TTC7B: variants seen among roughly 807,000 people sequenced by gnomAD.
The protein encoded by TTC7B is tetratricopeptide repeat protein 7B.
In TTC7B, 28 loss-of-function variants were observed where a neutral mutation model predicts 106.8. The observed-to-expected ratio is 0.26, with a 90% CI of 0.19 to 0.36. The LOEUF (loss-of-function observed/expected upper bound fraction) is 0.36, where lower values mean the gene tolerates loss of function less well. TTC7B is among the 10% of genes least tolerant of loss of function. The pLI, the probability that TTC7B is intolerant of heterozygous loss-of-function variation, is 1.00. For synonymous variants in TTC7B, 405 were observed against 430.6 expected (o/e 0.94, Z 0.74); for missense variants, 862 against 1,076.4 (o/e 0.80, Z 2.79).
At chr14:90,752,609 G>C (rs1890170266) in intron 3 of TTC7B, among the ~76,000 whole-genome samples, 1 of 152,132 alleles carries the variant, frequency 6.6e-6, no homozygotes, top group Non-Finnish European at 1.5e-5. Flanking sequence ...TAATAATAAA[G>C]GTTGATTTAT....
intron 3 of TTC7B, among the ~76,000 whole-genome samples, chr14:90,760,449 T>C (rs752184882): frequency 1.3e-5 from 2 of 152,198 alleles, no homozygotes; most frequent in African/African-American, 2.4e-5. Flanking sequence ...TTTTTCGAGA[T>C]AATTAGCTCC....
chr14:90,659,258 G>C (rs1236164536), intron 9 of TTC7B, among the ~76,000 whole-genome samples: 1 of 150,938 alleles, frequency 6.6e-6, no homozygotes, highest in Non-Finnish European at 1.5e-5. Context: ...TGGAGTGTGT[G>C]TGTGTGTGTT....
chr14:90,655,146 T>A, intron 11 of TTC7B, 36 bp from the exon 12 acceptor site: 2 of 1,516,610 alleles, frequency 1.3e-6, no homozygotes, highest in African/African-American at 2.7e-5. Flanking sequence ...AACAACAACC[T>A]GCAGAATTTC....
intron 3 of TTC7B, among the ~76,000 whole-genome samples, chr14:90,779,924 T>C (rs1037248193): frequency 6.6e-6 from 1 of 152,236 alleles, no homozygotes; most frequent in African/African-American, 2.4e-5. Flanking sequence ...TAGTGATTGC[T>C]GTGTGTCAAC....
intron 9 of TTC7B, among the ~76,000 whole-genome samples, chr14:90,675,479 G>A (rs151222024): frequency 4.6e-5 from 7 of 152,214 alleles, no homozygotes; most frequent in South Asian, 2.1e-4. Flanking sequence ...ACTGAGTCCC[G>A]GGGCTGAGCC....
In TTC7B at chr14:90,537,375, G is replaced by GA. The variant is rs1555372751; in HGVS notation, c.*3992_*3993insT. On this transcript the variant is annotated 3_prime_UTR_variant, in exon 20 of 20. Coordinates refer to ENST00000328459, the MANE Select transcript of TTC7B (RefSeq NM_001010854.2). ...CTATTTTTTTTTTTTTGTAGAGATG[G>GA]GGGGGGGGTCTCACCATGTTGCCCA... The GA allele has an allele frequency of 7.4e-5, 10 of 135,280 alleles. No homozygotes were observed. The highest frequency in any genetic ancestry group is 6.8e-4 in the East Asian group (3 of 4,412). The allele number at this position is 135,280 out of a possible 1,614,324, so 8.4% of individuals were successfully genotyped here. A position where few individuals can be genotyped will look rare whatever the true frequency, so the allele number is the denominator to read the frequency against.
intron 5 of TTC7B, among the ~76,000 whole-genome samples, chr14:90,705,041 C>G (rs1314575268): frequency 6.6e-6 from 1 of 152,166 alleles, no homozygotes; most frequent in African/African-American, 2.4e-5. Context: ...CCCCTCTAAG[C>G]CATCCAGAGG....
intron 19 of TTC7B, chr14:90,569,747 C>G (rs146478436): frequency 6.6e-6 from 1 of 152,424 alleles, no homozygotes; most frequent in Non-Finnish European, 1.5e-5. Flanking sequence ...CTGGACACGC[C>G]TGCGCCTGGA....
intron 19 of TTC7B, among the ~76,000 whole-genome samples, chr14:90,576,937 T>C (rs1701037527): frequency 6.6e-6 from 1 of 152,164 alleles, no homozygotes; most frequent in African/African-American, 2.4e-5. Context: ...ATGCCTTCAT[T>C]TTGCAGAAAG....
At chr14:90,773,719 G>T (rs887428286) in intron 3 of TTC7B, among the ~76,000 whole-genome samples, 1 of 152,158 alleles carries the variant, frequency 6.6e-6, no homozygotes, top group Non-Finnish European at 1.5e-5. Context: ...TCCAGTGCCC[G>T]GCTCTGGTCC....
chr14:90,666,798 C>G (rs1410796033), intron 9 of TTC7B, among the ~76,000 whole-genome samples: 1 of 152,190 alleles, frequency 6.6e-6, no homozygotes, highest in Non-Finnish European at 1.5e-5. Flanking sequence ...CCTCTGGCCA[C>G]AGTGAGAGGA....
chr14:90,573,455 T>TCCCTCTCCGGCTCACAGG (rs1891120563), intron 19 of TTC7B, among the ~76,000 whole-genome samples: 1 of 101,556 alleles, frequency 9.8e-6, no homozygotes, highest in Non-Finnish European at 2.0e-5. Context: ...CAGCTCACGG[T>TCCCTCTCCGGCTCACAGG]CCCTCTCCGG....
intron 19 of TTC7B, among the ~76,000 whole-genome samples, chr14:90,546,231 ACACACCACCCAAGCCC>A (rs1484730399): frequency 6.6e-6 from 1 of 152,230 alleles, no homozygotes; most frequent in Non-Finnish European, 1.5e-5. Context: ...GTCAGGAGTG[ACACACCACCCAAGCCC>A]CACAGTGCTG....
chr14:90,795,226 G>C (rs1891733772), intron 1 of TTC7B, among the ~76,000 whole-genome samples: 1 of 150,832 alleles, frequency 6.6e-6, no homozygotes, highest in African/African-American at 2.4e-5. Context: ...ACAAAAACAA[G>C]ACAAAAAAAA....
chr14:90,744,864 C>G lies in TTC7B; in HGVS notation c.504G>C (p.Arg168=). 6.2e-7 allele frequency: 1 copy of G among 1,613,844 alleles called. No homozygotes were observed. Among genetic ancestry groups the G allele is most frequent in the African/African-American group, 1.3e-5 (1 of 74,996 alleles). ...CATAACAGGTGATGACATCCTGTTCCCGGTCCACATGGAGATTACTGGTAG... is the reference window on the plus strand; with the variant it reads ...CATAACAGGTGATGACATCCTGTTCGCGGTCCACATGGAGATTACTGGTAG... The part of the protein sequence containing the change: ...SSSTSNLHVD[R]EQDVITCYEK... Residue 168 remains arginine (R), a synonymous_variant, in exon 4 of 20, where the codon CGG becomes CGC. Coordinates refer to ENST00000328459, the MANE Select transcript of TTC7B (RefSeq NM_001010854.2).
intron 14 of TTC7B, among the ~76,000 whole-genome samples, chr14:90,646,522 T>C (rs933876329): frequency 2.0e-5 from 3 of 152,202 alleles, no homozygotes; most frequent in Non-Finnish European, 4.4e-5. Context: ...GCTGGCATCT[T>C]CCTGCCAATC....
chr14:90,737,546 G>GTT (rs71461922), intron 4 of TTC7B, among the ~76,000 whole-genome samples: 2,120 of 91,724 alleles, frequency 0.023, 15 homozygotes, highest in East Asian at 0.029. Context: ...GTATGATTCT[G>GTT]TTTTTTTTTT....
At chr14:90,653,325 A>T (rs1389541023) in intron 12 of TTC7B, among the ~76,000 whole-genome samples, 2 of 152,196 alleles carry the variant, frequency 1.3e-5, no homozygotes, top group Non-Finnish European at 2.9e-5. Context: ...TTGCCTTCAG[A>T]GTTCCTTCTG....
At position 90,529,780 on chromosome 14, in the gene TTC7B, T is replaced by C. The variant is rs1216482460; in HGVS notation, c.*11588A>G. On this transcript the variant is annotated 3_prime_UTR_variant, in exon 20 of 20. Transcript: ENST00000328459. ...TGTGAGCTGGCATTACCCATTCCAT[T>C]GTATGTGGCATGACAATGTGAAACC... 3 of 152,216 alleles carry C rather than the reference T, an allele frequency of 2.0e-5. No individual in the cohort carries two copies. Among genetic ancestry groups the C allele is most frequent in the African/African-American group, 7.2e-5 (3 of 41,446 alleles). 9.4% of individuals were successfully genotyped at this position (152,216 alleles called of 1,614,324 possible).
Sources: gnomAD v4.1 joint callset for allele counts (sites outside exome capture counted in the v4.1 genomes callset) on GRCh38, gnomAD v4.1.1 for gene constraint, MANE v1.5 for transcripts, NCBI Gene and HGNC (gene_info 2026-07-23, HGNC 2026-07-21) for gene names.